TTN: variants seen among roughly 807,000 people sequenced by gnomAD.
The protein encoded by TTN is titin.
A neutral mutation model predicts 3,223.0 loss-of-function variants in TTN; 1,525 were observed. The ratio of observed to expected loss-of-function variants is 0.47; its 90% CI spans 0.45 to 0.49. The LOEUF (loss-of-function observed/expected upper bound fraction) is 0.49. Ranked by LOEUF, TTN falls within the 20% of genes least tolerant of loss-of-function variation. The pLI, the probability that TTN is intolerant of heterozygous loss-of-function variation, is 0.00. For synonymous variants in TTN, 14,094 were observed against 15,161.0 expected, an observed-to-expected ratio of 0.93 and a Z score of 5.17; for missense variants, 40,786 against 43,424.0, an observed-to-expected ratio of 0.94 and a Z score of 5.40.
At position 178,570,238 on chromosome 2, in the gene TTN, G is replaced by A. The variant is rs762354148; in HGVS notation, c.75894C>T (p.Ala25298=). 1 of 1,613,264 alleles carries A rather than the reference G, an allele frequency of 6.2e-7. No individual in the cohort carries two copies. The highest frequency in any genetic ancestry group is 1.1e-5 in the South Asian group (1 of 91,048). The change falls in exon 326 of 363, where the codon GCC becomes GCT. Residue 25298 remains alanine (A), a synonymous_variant. Transcript: ENST00000589042. The part of the protein sequence containing the change: ...GEPLESEPVV[A]KNPFVVPDAP... ...CATCTGGTACTACAAATGGATTCTT[G>A]GCAACTACTGGCTCAGATTCAAGAG...
At position 178,633,353 on chromosome 2, in the gene TTN, G is replaced by T. The variant is rs370647566; in HGVS notation, c.42947-27C>A. On this transcript the variant is annotated intron_variant, in intron 232 of 362. Transcript: ENST00000589042. ...TGAAATGATACAGTTTTGTTAGCAT[G>T]ACTGAACTAATAAACTGCAGATTCA... 8.7e-6 allele frequency: 14 copies of T among 1,612,876 alleles called. No homozygotes were observed. The African/African-American group carries it at 1.7e-4, about 20-fold the overall frequency.
In TTN at chr2:178,664,110, T is replaced by G; in HGVS notation, c.36281-12A>C. On this transcript the variant is annotated splice_polypyrimidine_tract_variant and intron_variant, in intron 168 of 362. Transcript: ENST00000589042. ...GGGAGCTTCGTGCACTTGAAAGATA[T>G]TAGTATTTTTACACTCAGAAAATAC... The G allele has an allele frequency of 6.2e-7, 1 of 1,600,910 alleles. No homozygotes were observed.
intron 335 of TTN, 70 bp from the exon 336 acceptor site, chr2:178,551,330 C>T: frequency 8.1e-7 from 1 of 1,235,944 alleles, no homozygotes. Context: ...CATGGAAGAA[C>T]AATACAATTA....
chr2:178,528,212 G>C, intron 361 of TTN, 62 bp downstream of exon 361: 1 of 1,529,960 alleles, frequency 6.5e-7, no homozygotes, highest in Admixed American at 2.1e-5. Flanking sequence ...GCTTGAAAGA[G>C]AGGCAAAAAA....
In TTN at chr2:178,601,271, G is replaced by C. The variant is rs934495490; in HGVS notation, c.55726C>G (p.Pro18576Ala). ...TTTAGATTTTAAAGCTTACATATCGGATCTCTGGCAGTGGTCCTCTGAATG... is the reference window on the plus strand; with the variant it reads ...TTTAGATTTTAAAGCTTACATATCGCATCTCTGGCAGTGGTCCTCTGAATG... ...ETIQRTTARDPIYPPDPPIKL... is the reference protein window; with the variant it reads ...ETIQRTTARDAIYPPDPPIKL... The change falls in exon 287 of 363, where the codon CCG (proline) becomes GCG (alanine). Residue 18576 changes from proline (P) to alanine (A), a missense_variant. Coordinates refer to ENST00000589042, the MANE Select transcript of TTN (RefSeq NM_001267550.2). 2 of 1,545,130 alleles carry C rather than the reference G, an allele frequency of 1.3e-6. No homozygotes were observed. The highest frequency in any genetic ancestry group is 1.7e-6 in the Non-Finnish European group (2 of 1,150,192).
At chr2:178,672,539 A>G (rs1490484151) in intron 153 of TTN, 58 bp from the exon 154 acceptor site, 1 of 1,602,142 alleles carries the variant, frequency 6.2e-7, no homozygotes, top group Non-Finnish European at 8.5e-7. Flanking sequence ...CATAGACAAA[A>G]ATCATCAAAA....
Position 178,533,346 on chromosome 2 carries a change from G to T in TTN, c.103269C>A (p.Ile34423=). The change falls in exon 358 of 363, where the codon ATC becomes ATA. Residue 34423 remains isoleucine, a synonymous_variant. Transcript: ENST00000589042. ...CCGTGTCTTCAGGCAAAGTGTCCCT[G>T]ATGTGCAGAGCATAATAATCCAAGC... ...HEGLDYYALH[I]RDTLPEDTGY... 1 of 1,613,676 alleles carries T rather than the reference G, an allele frequency of 6.2e-7. No homozygotes were observed. The highest frequency in any genetic ancestry group is 8.5e-7 in the Non-Finnish European group (1 of 1,179,868).
Position 178,609,997 on chromosome 2 carries a change from A to T in TTN, c.51437-11T>A, listed in dbSNP as rs758000727. On this transcript the variant is annotated splice_polypyrimidine_tract_variant and intron_variant, in intron 271 of 362. Transcript: ENST00000589042. ...GTGGATCAGGGGGTTCTGAAGAACA[A>T]GAAAAAAATGTTAGTATCAGGAAAA... 2 of 1,609,992 alleles carry T rather than the reference A, an allele frequency of 1.2e-6. No homozygotes were observed. The highest frequency in any genetic ancestry group is 2.2e-5 in the South Asian group (2 of 90,600).
chr2:178,563,952 G>T lies in TTN; in HGVS notation c.82180C>A (p.Pro27394Thr). The T allele has an allele frequency of 1.2e-6, 2 of 1,613,668 alleles. No individual in the cohort carries two copies. The highest frequency in any genetic ancestry group is 1.7e-6 in the Non-Finnish European group (2 of 1,179,714). ...AEKCYLAWNP[P>T]LQDGGANISH... ...ATATTAGCACCACCATCTTGCAAAG[G>T]TGGGTTCCATGCCAGGTAACATTTT... is the stretch of plus-strand genomic sequence containing the variant. Residue 27394 changes from proline to threonine, a missense_variant, in exon 326 of 363, where the codon CCT becomes ACT. Transcript: ENST00000589042. The surrounding 1 kb of genome is among the most constrained non-coding windows in gnomAD (Gnocchi z 4.5).
In TTN at chr2:178,638,723, G is replaced by A. The variant is rs1001594989; in HGVS notation, c.40876+976C>T. On this transcript the variant is annotated intron_variant, in intron 223 of 362. Transcript: ENST00000589042. ...GCCTTCTCCCCACCCCACCACCACCGCCCCCGCTTTAAATTTACTTTGTTT... is the reference window on the plus strand; with the variant it reads ...GCCTTCTCCCCACCCCACCACCACCACCCCCGCTTTAAATTTACTTTGTTT... Among the ~76,000 whole-genome samples, 40 of 151,548 alleles carry A rather than the reference G, an allele frequency of 2.6e-4. No individual in the cohort carries two copies. The Middle Eastern group carries it at 0.01, about 39-fold the overall frequency.
intron 295 of TTN, 49 bp from the exon 296 acceptor site, chr2:178,594,695 G>T (rs758111018): frequency 2.1e-6 from 3 of 1,435,998 alleles, no homozygotes; most frequent in East Asian, 4.6e-5. Flanking sequence ...GTCACATTAA[G>T]AATGTAGTAG....
rs748210214 is a variant in TTN, at chr2:178,739,404, G to C, written c.13829C>G (p.Thr4610Arg). 6.2e-6 allele frequency: 10 copies of C among 1,613,864 alleles called. No individual in the cohort carries two copies. The Admixed American group carries it at 1.7e-4, about 27-fold the overall frequency. The change falls in exon 48 of 363, where the codon ACA (threonine) becomes AGA (arginine). Residue 4610 changes from threonine (T) to arginine (R), a missense_variant. Coordinates refer to ENST00000589042, the MANE Select transcript of TTN (RefSeq NM_001267550.2). ...CTCAGAAACAGTGTCCACTAAAGGT[G>C]TATGTATCATGGGGCCATCCTCTTT... ...LIKEDGPMIH[T>R]PLVDTVSEEG...
rs72648253 is a variant in TTN at position 178,546,730 on chromosome 2, G to A, written c.94698C>T (p.Asp31566=). 5 of 1,613,802 alleles carry A rather than the reference G, an allele frequency of 3.1e-6. No homozygotes were observed. In the East Asian group the frequency reaches 1.1e-4, roughly 36 times the overall value. ...TGAGAGCAGTCACGGTGAAGAAATT[G>A]TCAGATACAATGGTGTAGTTGCACT... ...WLKCNYTIVS[D]NFFTVTALSE... The change falls in exon 341 of 363, where the codon GAC becomes GAT. Residue 31566 remains aspartate (D), a synonymous_variant. Transcript: ENST00000589042.
At chr2:178,693,737 G>A in intron 118 of TTN, 48 bp from the exon 119 acceptor site, 4 of 1,396,196 alleles carry the variant, frequency 2.9e-6, no homozygotes, top group Non-Finnish European at 4.0e-6. Context: ...GTTGTGGGTG[G>A]TAATTGTAAT....
intron 147 of TTN, among the ~76,000 whole-genome samples, chr2:178,676,596 G>A (rs1577276480): frequency 6.6e-6 from 1 of 151,676 alleles, no homozygotes; most frequent in East Asian, 1.9e-4. Flanking sequence ...CATAATAGCT[G>A]AGCCCATTAA....
chr2:178,750,125 G>C, intron 47 of TTN: 1 of 1,613,092 alleles, frequency 6.2e-7, no homozygotes, highest in Non-Finnish European at 8.5e-7. Context: ...GTCTCCAGAG[G>C]GAGGAACTGG....
chr2:178,676,080 A>T, intron 147 of TTN, 85 bp from the exon 148 acceptor site: 1 of 1,296,366 alleles, frequency 7.7e-7, no homozygotes, highest in Non-Finnish European at 1.1e-6. Context: ...CAGAAAGACC[A>T]ATGTGTTAAC....
Position 178,599,130 on chromosome 2 carries a change from A to C in TTN, c.56647+16T>G, listed in dbSNP as rs1032996652. The C allele has an allele frequency of 1.3e-6, 2 of 1,509,638 alleles. No homozygotes were observed. Among genetic ancestry groups the C allele is most frequent in the Non-Finnish European group, 8.8e-7 (1 of 1,132,772 alleles). 93.5% of individuals were successfully genotyped at this position (1,509,638 alleles called of 1,614,324 possible). ...AGTAAAAATGGCTTTGTATGTGAAA[A>C]TGTTCTCCTACTTACAGAAGAGGTT... On this transcript the variant is annotated intron_variant, in intron 290 of 362. Transcript: ENST00000589042.
chr2:178,605,637 G>A lies in TTN; in HGVS notation c.53658C>T (p.Pro17886=). The change falls in exon 279 of 363, where the codon CCC becomes CCT. Residue 17886 remains proline (P), a synonymous_variant. Transcript: ENST00000589042. ...KSTITLDWKE[P]RSNGGSPIQG... is the part of the protein sequence containing the mutation. ...GGATGGGACTGCCACCATTACTGCG[G>A]GGCTCTTTCCAGTCAAGTGTGATAG... is the stretch of plus-strand genomic sequence containing the variant. The A allele has an allele frequency of 1.2e-6, 2 of 1,611,710 alleles. No individual in the cohort carries two copies. Among genetic ancestry groups the A allele is most frequent in the South Asian group, 2.2e-5 (2 of 90,858 alleles).
Sources: gnomAD v4.1 joint callset for allele counts (sites outside exome capture counted in the v4.1 genomes callset) on GRCh38, gnomAD v4.1.1 for gene constraint, Gnocchi (gnomAD v3.1) non-coding constraint, MANE v1.5 for transcripts, NCBI Gene and HGNC (gene_info 2026-07-23, HGNC 2026-07-21) for gene names.